The following CYP2J2 variants were observed in gnomAD, a reference collection of about 807,000 sequenced individuals.
The protein encoded by CYP2J2 is cytochrome P450 2J2.
Under a neutral mutation model 48.8 loss-of-function variants are expected in CYP2J2, and 41 were observed. That is an observed-to-expected ratio of 0.84 (90% CI 0.66 to 1.09). The LOEUF is 1.09. Among genes scored for constraint, CYP2J2 ranks in the 50% least tolerant of loss-of-function variants. The pLI is 0.00. For synonymous variants in CYP2J2, 221 were observed against 227.1 expected, an observed-to-expected ratio of 0.97 and a Z score of 0.24; for missense variants, 644 against 617.3, an observed-to-expected ratio of 1.04 and a Z score of -0.46.
rs775670271 is a variant in CYP2J2, at chr1:59,926,586, C to T, written c.161G>A (p.Gly54Asp). 1 of 1,614,224 alleles carries T rather than the reference C, an allele frequency of 6.2e-7. No homozygotes were observed. Among genetic ancestry groups the T allele is most frequent in the East Asian group, 2.2e-5 (1 of 44,880 alleles). The change falls in exon 1 of 9, where the codon GGC (glycine) becomes GAC (aspartate). Residue 54 changes from glycine to aspartate, a missense_variant. Physicochemically the swap from Gly to Asp is moderately conservative, Grantham distance 94 (BLOSUM62 -1). Transcript: ENST00000371204. The stretch of plus-strand genomic sequence containing the variant: ...CTCGAAGTCCACAAGGAAGAAGTTG[C>T]CAAGGAAGGGCAGGCGCCAGGGCCC... ...PPGPWRLPFL[G>D]NFFLVDFEQS...
the CYP2J2 span, among the ~76,000 whole-genome samples, chr1:59,960,825 G>A: frequency 6.6e-6 from 1 of 152,130 alleles, no homozygotes; most frequent in Non-Finnish European, 1.5e-5. Context: ...CCTGGGTGGA[G>A]CAAGACTCCA....
the CYP2J2 span, among the ~76,000 whole-genome samples, chr1:59,942,334 AG>A: frequency 6.6e-6 from 1 of 152,010 alleles, no homozygotes; most frequent in South Asian, 2.1e-4. Flanking sequence ...AGTTGAGGGG[AG>A]GGGGAAGCAT....
chr1:59,968,671 G>A, the CYP2J2 span, among the ~76,000 whole-genome samples: 2 of 152,226 alleles, frequency 1.3e-5, no homozygotes, highest in Non-Finnish European at 2.9e-5. Context: ...ATGGAGCTGT[G>A]GGAGGGGTGG....
chr1:59,968,424 G>T, the CYP2J2 span, among the ~76,000 whole-genome samples: 1 of 151,884 alleles, frequency 6.6e-6, no homozygotes, highest in Non-Finnish European at 1.5e-5. Context: ...TAAGTACCTG[G>T]ACCCTCATGG....
At chr1:59,958,125 C>T in the CYP2J2 span, among the ~76,000 whole-genome samples, 3 of 152,098 alleles carry the variant, frequency 2.0e-5, no homozygotes, top group Non-Finnish European at 4.4e-5. Context: ...ACTGATTACC[C>T]AATTTCTCCT....
upstream of CYP2J2, among the ~76,000 whole-genome samples, chr1:59,931,769 T>TA (rs1644605259): frequency 6.6e-6 from 1 of 152,146 alleles, no homozygotes; most frequent in African/African-American, 2.4e-5. Context: ...AGAATACTTC[T>TA]AGGTATTAAA....
chr1:59,911,477 G>A, intron 4 of CYP2J2, 131 bp downstream of exon 4: 1 of 588,320 alleles, frequency 1.7e-6, no homozygotes, highest in Non-Finnish European at 2.9e-6. Context: ...AAATAAGTTT[G>A]TGTTGAAATT....
upstream of CYP2J2, among the ~76,000 whole-genome samples, chr1:59,930,250 C>G (rs193251999): frequency 6.6e-6 from 1 of 152,100 alleles, no homozygotes. Flanking sequence ...GCTTTCAATT[C>G]TTTTGGGTGT....
Position 59,893,772 on chromosome 1 carries a change from GT to G in CYP2J2, c.1387del (p.Thr463LeufsTer17). ...LARTELFIFF[T>X]SLMQKFTFRP... is the part of the protein sequence containing the mutation. ...GAAGGTAAATTTTTGCATAAGGGAAGTGAAGAAAATAAACAGCTCAGTCCTG... is the reference window on the plus strand; with the variant it reads ...GAAGGTAAATTTTTGCATAAGGGAAGGAAGAAAATAAACAGCTCAGTCCTG... On this transcript the variant is annotated frameshift_variant, in exon 9 of 9. Coordinates refer to ENST00000371204, the MANE Select transcript of CYP2J2 (RefSeq NM_000775.4). LOFTEE classifies it low-confidence loss of function (END_TRUNC). 6.2e-7 allele frequency: 1 copy of G among 1,613,436 alleles called. No homozygotes were observed. Among genetic ancestry groups the G allele is most frequent in the Non-Finnish European group, 8.5e-7 (1 of 1,179,712 alleles).
At chr1:59,949,425 T>C in the CYP2J2 span, among the ~76,000 whole-genome samples, 2 of 152,322 alleles carry the variant, frequency 1.3e-5, no homozygotes, top group South Asian at 4.1e-4. Flanking sequence ...AATATACTTA[T>C]TTTTTAGTGT....
chr1:59,900,772 A>G (rs986855243), intron 8 of CYP2J2, among the ~76,000 whole-genome samples, 193 bp downstream of exon 8: 5 of 152,204 alleles, frequency 3.3e-5, no homozygotes, highest in African/African-American at 1.2e-4. Context: ...TGGAGGGCTT[A>G]GGAAGTAAGG....
rs1298363239 is a variant in CYP2J2 at position 59,893,384 on chromosome 1, G to T, written c.*267C>A. The T allele has an allele frequency of 5.8e-6, 2 of 342,636 alleles. No individual in the cohort carries two copies. Among genetic ancestry groups the T allele is most frequent in the East Asian group, 4.7e-5 (1 of 21,344 alleles). 21.2% of individuals were successfully genotyped at this position (342,636 alleles called of 1,614,324 possible). A position where few individuals can be genotyped will look rare whatever the true frequency, so the allele number is the denominator to read the frequency against. On this transcript the variant is annotated 3_prime_UTR_variant, in exon 9 of 9. Coordinates refer to ENST00000371204, the MANE Select transcript of CYP2J2 (RefSeq NM_000775.4). ...TCACCATTTCTTTTGATTCTTACAA[G>T]AACTTTCTTTATGGAAGGAAACATT...
At chr1:59,923,169 T>C (rs576163041) in intron 1 of CYP2J2, among the ~76,000 whole-genome samples, 13 of 152,302 alleles carry the variant, frequency 8.5e-5, no homozygotes, top group Admixed American at 2.6e-4. Flanking sequence ...CTGTCTTCTG[T>C]TCCATCTTCC....
intron 8 of CYP2J2, among the ~76,000 whole-genome samples, chr1:59,895,653 ATTT>A (rs1644262355): frequency 6.6e-6 from 1 of 151,596 alleles, no homozygotes; most frequent in African/African-American, 2.4e-5. Flanking sequence ...TTTTATTTTT[ATTT>A]ATTATTATTA....
intron 1 of CYP2J2, among the ~76,000 whole-genome samples, chr1:59,919,189 C>A (rs1260090269): frequency 6.6e-6 from 1 of 152,092 alleles, no homozygotes; most frequent in African/African-American, 2.4e-5. Context: ...AAAATGCATG[C>A]TGTTTCTATA....
the CYP2J2 span, among the ~76,000 whole-genome samples, chr1:59,947,894 A>G: frequency 6.6e-6 from 1 of 151,806 alleles, no homozygotes; most frequent in Non-Finnish European, 1.5e-5. Context: ...TATCCATAAT[A>G]TTTGAAAACT....
chr1:59,944,963 T>A, the CYP2J2 span, among the ~76,000 whole-genome samples: 13 of 152,184 alleles, frequency 8.5e-5, no homozygotes, highest in Admixed American at 5.2e-4. Flanking sequence ...GATAACTAGA[T>A]ATTTATCTAT....
chr1:59,934,205 C>G, the CYP2J2 span, among the ~76,000 whole-genome samples: 3 of 152,066 alleles, frequency 2.0e-5, no homozygotes, highest in African/African-American at 7.2e-5. Flanking sequence ...AAATTGAACC[C>G]TTATTATATA....
At chr1:59,897,296 G>T (rs1644277845) in intron 8 of CYP2J2, among the ~76,000 whole-genome samples, 1 of 152,180 alleles carries the variant, frequency 6.6e-6, no homozygotes, top group Admixed American at 6.5e-5. Flanking sequence ...AGGAACCAGG[G>T]TTAAAGAACT....
Sources: allele counts gnomAD v4.1 joint callset (sites outside exome capture counted in the v4.1 genomes callset), GRCh38; gene constraint gnomAD v4.1.1; transcripts MANE v1.5; gene names NCBI Gene and HGNC (gene_info 2026-07-23, HGNC 2026-07-21).